The following CDK17 variants were observed in gnomAD, a reference collection of about 807,000 sequenced individuals.
CDK17 encodes the protein cyclin dependent kinase 17, also known as cyclin-dependent kinase 17.
CDK17 carries 24 observed loss-of-function variants against 77.6 expected under a neutral mutation model. The ratio of observed to expected loss-of-function variants is 0.31; its 90% CI spans 0.22 to 0.44. CDK17 has a LOEUF of 0.44. CDK17 is among the 20% of genes least tolerant of loss of function. CDK17 has a pLI of 1.00. For synonymous variants in CDK17, 203 were observed against 210.4 expected, an observed-to-expected ratio of 0.96 and a Z score of 0.30; for missense variants, 429 against 622.5, an observed-to-expected ratio of 0.69 and a Z score of 3.31.
At chr12:96,315,073 G>A (rs1245978110) in intron 3 of CDK17, among the ~76,000 whole-genome samples, 1 of 152,116 alleles carries the variant, frequency 6.6e-6, no homozygotes, top group East Asian at 1.9e-4. Context: ...AGTATTCAAG[G>A]GAACTGCATA....
At chr12:96,283,304 G>GT (rs1952200344) in intron 14 of CDK17, among the ~76,000 whole-genome samples, 1 of 152,124 alleles carries the variant, frequency 6.6e-6, no homozygotes, top group African/African-American at 2.4e-5. Context: ...AAGGCTGTAC[G>GT]TATAAGGAAA....
chr12:96,306,049 G>A (rs1437023299), intron 5 of CDK17, among the ~76,000 whole-genome samples: 1 of 152,092 alleles, frequency 6.6e-6, no homozygotes, highest in Non-Finnish European at 1.5e-5. Flanking sequence ...TATAGGAAGA[G>A]AGATCATCTG....
chr12:96,334,705 T>C lies in CDK17; in HGVS notation c.118+14A>G, dbSNP rs1223856732. 7 of 1,397,290 alleles carry C rather than the reference T, an allele frequency of 5.0e-6. No individual in the cohort carries two copies. Among genetic ancestry groups the C allele is most frequent in the African/African-American group, 1.4e-5 (1 of 70,722 alleles). The allele number at this position is 1,397,290 out of a possible 1,614,324, so 86.6% of individuals were successfully genotyped here. On this transcript the variant is annotated intron_variant, in intron 2 of 16. Transcript: ENST00000261211. Reference sequence around the variant, plus strand: ...TAAAAGGAGGAAGCATCTCCCCCTATGCCAAATATTTACCATTATCCTTGC... The same window carrying C: ...TAAAAGGAGGAAGCATCTCCCCCTACGCCAAATATTTACCATTATCCTTGC...
chr12:96,388,059 C>T (rs1252718114), intron 1 of CDK17, among the ~76,000 whole-genome samples: 1 of 151,650 alleles, frequency 6.6e-6, no homozygotes, highest in African/African-American at 2.4e-5. Flanking sequence ...TACTTGAGCT[C>T]AGGAGTTGGA....
At chr12:96,369,937 T>C (rs927666809) in intron 1 of CDK17, among the ~76,000 whole-genome samples, 3 of 152,134 alleles carry the variant, frequency 2.0e-5, no homozygotes, top group African/African-American at 4.8e-5. Context: ...AAGCACAAGA[T>C]TATGAACACC....
chr12:96,296,813 G>A (rs1244476404), intron 9 of CDK17, among the ~76,000 whole-genome samples: 1 of 152,176 alleles, frequency 6.6e-6, no homozygotes, highest in Non-Finnish European at 1.5e-5. Context: ...TGACAGTACA[G>A]ATTGGTATTT....
In CDK17 at chr12:96,280,285, A is replaced by C. The variant is rs1194603922; in HGVS notation, c.1535-6T>G. On this transcript the variant is annotated splice_region_variant and splice_polypyrimidine_tract_variant and intron_variant, in intron 16 of 16. Coordinates refer to ENST00000261211, the MANE Select transcript of CDK17 (RefSeq NM_002595.5). ...TCTTCTGTTCTTCCCATGTCCTAAA[A>C]TATAAAGTCATTTTATGAGGCAGTT... 2 of 1,550,608 alleles carry C rather than the reference A, an allele frequency of 1.3e-6. No individual in the cohort carries two copies. The highest frequency in any genetic ancestry group is 1.7e-6 in the Non-Finnish European group (2 of 1,146,532).
intron 1 of CDK17, among the ~76,000 whole-genome samples, chr12:96,363,664 A>G (rs774352992): frequency 2.0e-5 from 3 of 151,960 alleles, no homozygotes; most frequent in Non-Finnish European, 4.4e-5. Flanking sequence ...TAGCTAACAC[A>G]GTGAAAGCCT....
intron 1 of CDK17, among the ~76,000 whole-genome samples, chr12:96,353,526 T>C (rs933547766): frequency 6.6e-6 from 1 of 151,770 alleles, no homozygotes; most frequent in African/African-American, 2.4e-5. Context: ...CTGCCATTAT[T>C]TTGAAATAAG....
At position 96,323,977 on chromosome 12, in the gene CDK17, A is replaced by G. The variant is rs1164129259; in HGVS notation, c.254T>C (p.Met85Thr). The G allele has an allele frequency of 1.0e-5, 16 of 1,602,480 alleles. No individual in the cohort carries two copies. Among genetic ancestry groups the G allele is most frequent in the Non-Finnish European group, 1.3e-5 (15 of 1,174,998 alleles). The change falls in exon 3 of 17, where the codon ATG (methionine) becomes ACG (threonine). Residue 85 changes from methionine (M) to threonine (T), a missense_variant. By Grantham distance (81) the Met-to-Thr change is moderately conservative. This residue lies in a region of CDK17 where 262 missense variants were observed against 385.4 expected (regional missense o/e 0.68). Transcript: ENST00000261211. Reference protein sequence around the residue: ...SVIGGSLGSFMAMPRNGSRLD... With the variant: ...SVIGGSLGSFTAMPRNGSRLD... ...TCTGCTTCCATTTCTGGGCATTGCCATGAAGGAGCCAAGGCTCCCTCCAAT... is the reference window on the plus strand; with the variant it reads ...TCTGCTTCCATTTCTGGGCATTGCCGTGAAGGAGCCAAGGCTCCCTCCAAT...
At chr12:96,365,922 A>G (rs1324111380) in intron 1 of CDK17, among the ~76,000 whole-genome samples, 1 of 152,238 alleles carries the variant, frequency 6.6e-6, no homozygotes, top group Non-Finnish European at 1.5e-5. Context: ...ATATGAGCAG[A>G]TAATACTATA....
intron 4 of CDK17, among the ~76,000 whole-genome samples, chr12:96,311,812 GGTAAGAATAA>G (rs1455408181): frequency 6.6e-6 from 1 of 151,584 alleles, no homozygotes; most frequent in African/African-American, 2.4e-5. Context: ...GCCACCAAAT[GGTAAGAATAA>G]GTAAGGAGAA....
At chr12:96,377,121 T>C (rs1592764202) in intron 1 of CDK17, among the ~76,000 whole-genome samples, 1 of 152,298 alleles carries the variant, frequency 6.6e-6, no homozygotes, top group East Asian at 1.9e-4. Flanking sequence ...GGTAAGCATT[T>C]AAAATGCCTC....
chr12:96,350,509 T>C (rs1176856823), intron 1 of CDK17, among the ~76,000 whole-genome samples: 2 of 152,148 alleles, frequency 1.3e-5, no homozygotes, highest in Non-Finnish European at 2.9e-5. Flanking sequence ...CAAAACATTA[T>C]GGTATTGACA....
chr12:96,392,262 T>C (rs750546188), intron 1 of CDK17, among the ~76,000 whole-genome samples: 32 of 152,336 alleles, frequency 2.1e-4, no homozygotes, highest in Non-Finnish European at 1.8e-4. Flanking sequence ...TGTCATAGCA[T>C]TGTAATATCA....
At chr12:96,392,475 CA>C (rs1278301736) in intron 1 of CDK17, among the ~76,000 whole-genome samples, 2 of 152,032 alleles carry the variant, frequency 1.3e-5, no homozygotes, top group African/African-American at 4.8e-5. Flanking sequence ...TAAGACATTC[CA>C]AAACCCTTAC....
chr12:96,346,766 T>C (rs911020674), intron 1 of CDK17, among the ~76,000 whole-genome samples: 3 of 150,006 alleles, frequency 2.0e-5, no homozygotes, highest in Admixed American at 6.6e-5. Flanking sequence ...TATACAAAAA[T>C]TAGCTGGGCA....
intron 5 of CDK17, among the ~76,000 whole-genome samples, chr12:96,306,288 C>T (rs537533407): frequency 6.6e-6 from 1 of 151,670 alleles, no homozygotes; most frequent in Non-Finnish European, 1.5e-5. Flanking sequence ...GAAAATAGGC[C>T]AGGAGAGGTA....
chr12:96,343,447 T>C (rs1260495430), intron 1 of CDK17, among the ~76,000 whole-genome samples: 1 of 152,194 alleles, frequency 6.6e-6, no homozygotes, highest in African/African-American at 2.4e-5. Flanking sequence ...AATATTTTGG[T>C]CAGTTTGGCA....
Sources: gnomAD v4.1 joint callset for allele counts (sites outside exome capture counted in the v4.1 genomes callset) on GRCh38, gnomAD v4.1.1 for gene constraint, gnomAD v4.1.1 regional missense constraint, MANE v1.5 for transcripts, NCBI Gene and HGNC (gene_info 2026-07-23, HGNC 2026-07-21) for gene names.